Variants in TUBA8 observed in about 807,000 individuals in gnomAD.
TUBA8 encodes the protein tubulin alpha 8.
In TUBA8, 29 loss-of-function variants were observed where a neutral mutation model predicts 34.7. That is an observed-to-expected ratio of 0.84 (90% CI 0.62 to 1.14). The LOEUF (loss-of-function observed/expected upper bound fraction) is 1.14. Among genes scored for constraint, TUBA8 ranks in the 50% most tolerant of loss-of-function variants. TUBA8 has a pLI of 0.00. For synonymous variants in TUBA8, 226 were observed against 231.2 expected, an observed-to-expected ratio of 0.98 and a Z score of 0.21; for missense variants, 541 against 599.2, an observed-to-expected ratio of 0.90 and a Z score of 1.01.
rs1463808792 is a variant in TUBA8, at chr22:18,121,913, G to T, written c.226+212G>T. ...ATCAAGACTCTATGCAGAACAAAAT[G>T]CCTCCCACTTCAACCCCAAAACCTG... On this transcript the variant is annotated intron_variant, in intron 2 of 4. Transcript: ENST00000330423. This position sits in a 1 kb window ranked among gnomAD's most constrained non-coding sequence, Gnocchi z 4.8. The T allele has an allele frequency of 7.0e-6, 4 of 573,534 alleles. No individual in the cohort carries two copies. The highest frequency in any genetic ancestry group is 3.0e-5 in the Admixed American group (1 of 33,148). 35.5% of individuals were successfully genotyped at this position (573,534 alleles called of 1,614,324 possible).
chr22:18,123,058 C>T (rs1469943118), intron 2 of TUBA8: 2 of 123,054 alleles, frequency 1.6e-5, no homozygotes, highest in South Asian at 2.8e-4. Context: ...TGCAGTGAGC[C>T]GAGATCGCGC....
chr22:18,110,940 AG>A lies in TUBA8; in HGVS notation c.3+74del. ...AGGACCGAGAGCCGAGTCTACGCGG[AG>A]GCGCACGGACCCGTCTTCCTGGAGC... is the stretch of plus-strand genomic sequence containing the variant. On this transcript the variant is annotated intron_variant, in intron 1 of 4. Transcript: ENST00000330423. The surrounding 1 kb of genome is among the most constrained non-coding windows in gnomAD (Gnocchi z 6.2). The A allele has an allele frequency of 1.3e-6, 2 of 1,533,624 alleles. No homozygotes were observed. Among genetic ancestry groups the A allele is most frequent in the Non-Finnish European group, 1.7e-6 (2 of 1,146,126 alleles).
intron 1 of TUBA8, chr22:18,112,108 T>G (rs1483216061): frequency 6.6e-6 from 1 of 152,212 alleles, no homozygotes; most frequent in East Asian, 1.9e-4. Context: ...TTTTGACTCC[T>G]GGCTCTGCAG....
At position 18,127,417 on chromosome 22, in the gene TUBA8, G is replaced by A. The variant is rs190521548; in HGVS notation, c.1056+383G>A. The A allele has an allele frequency of 6.9e-3, 1,244 of 179,088 alleles. 19 individuals are homozygous for A. Among genetic ancestry groups the A allele is most frequent in the African/African-American group, 0.032 (1,180 of 37,350 alleles). 11.1% of individuals were successfully genotyped at this position (179,088 alleles called of 1,614,324 possible). ...TTGTTTTTTTTTTTTTTTTTGAGAC[G>A]GAGTCTCACTCTGTCACCCAGGCTG... On this transcript the variant is annotated intron_variant, in intron 4 of 4. Coordinates refer to ENST00000330423, the MANE Select transcript of TUBA8 (RefSeq NM_018943.3).
At position 18,110,938 on chromosome 22, in the gene TUBA8, G is replaced by T. The variant is rs1927783893; in HGVS notation, c.3+70G>T. ...GTAGGACCGAGAGCCGAGTCTACGC[G>T]GAGGCGCACGGACCCGTCTTCCTGG... On this transcript the variant is annotated intron_variant, in intron 1 of 4. Coordinates refer to ENST00000330423, the MANE Select transcript of TUBA8 (RefSeq NM_018943.3). The surrounding 1 kb of genome is among the most constrained non-coding windows in gnomAD (Gnocchi z 6.2). The T allele has an allele frequency of 2.0e-6, 3 of 1,533,650 alleles. No individual in the cohort carries two copies. The highest frequency in any genetic ancestry group is 2.4e-5 in the East Asian group (1 of 41,066).
Position 18,111,313 on chromosome 22 carries a change from T to A in TUBA8, c.3+445T>A, listed in dbSNP as rs1927801254. 1 of 197,672 alleles carries A rather than the reference T, an allele frequency of 5.1e-6. No homozygotes were observed. The highest frequency in any genetic ancestry group is 5.5e-5 in the Admixed American group (1 of 18,134). The allele number at this position is 197,672 out of a possible 1,614,324, so 12.2% of individuals were successfully genotyped here. A position where few individuals can be genotyped will look rare whatever the true frequency, so the allele number is the denominator to read the frequency against. On this transcript the variant is annotated intron_variant, in intron 1 of 4. Transcript: ENST00000330423. This position sits in a 1 kb window ranked among gnomAD's most constrained non-coding sequence, Gnocchi z 5.1. ...CAGCCTAATGTGACAGGGCCCGGAA[T>A]GTGACAGAGGACCTAGGGCGCCACG...
chr22:18,113,643 C>T (rs1927879574), intron 1 of TUBA8: 1 of 152,334 alleles, frequency 6.6e-6, no homozygotes, highest in Non-Finnish European at 1.5e-5. Context: ...CAGCCTTCTG[C>T]AGTCTCCCCA....
Position 18,110,927 on chromosome 22 carries a change from C to G in TUBA8, c.3+59C>G. 6.5e-7 allele frequency: 1 copy of G among 1,536,314 alleles called. No homozygotes were observed. Among genetic ancestry groups the G allele is most frequent in the South Asian group, 1.2e-5 (1 of 84,098 alleles). ...GCGCGGCAGGCGTAGGACCGAGAGC[C>G]GAGTCTACGCGGAGGCGCACGGACC... On this transcript the variant is annotated intron_variant, in intron 1 of 4. Transcript: ENST00000330423. The surrounding 1 kb of genome is among the most constrained non-coding windows in gnomAD (Gnocchi z 6.2).
At position 18,118,961 on chromosome 22, in the gene TUBA8, C is replaced by T. The variant is rs1290702268; in HGVS notation, c.4-2518C>T. The T allele has an allele frequency of 6.6e-6, 1 of 152,198 alleles. No individual in the cohort carries two copies. Among genetic ancestry groups the T allele is most frequent in the African/African-American group, 2.4e-5 (1 of 41,414 alleles). The allele number at this position is 152,198 out of a possible 1,614,324, so 9.4% of individuals were successfully genotyped here. ...TATCCCTGCGTCCTCCCTGGAAAGCCCCAGAATGTTCCAGAAGTGAGAGCA... is the reference window on the plus strand; with the variant it reads ...TATCCCTGCGTCCTCCCTGGAAAGCTCCAGAATGTTCCAGAAGTGAGAGCA... On this transcript the variant is annotated intron_variant, in intron 1 of 4. Coordinates refer to ENST00000330423, the MANE Select transcript of TUBA8 (RefSeq NM_018943.3). This position sits in a 1 kb window ranked among gnomAD's most constrained non-coding sequence, Gnocchi z 4.0.
Position 18,124,689 on chromosome 22 carries a change from A to T in TUBA8, c.375+385A>T, listed in dbSNP as rs1283314775. ...TGGGCACTTACAAGTGCCATTACAG[A>T]TGTTAAGCACATTCCTTCATTTAAT... is the stretch of plus-strand genomic sequence containing the variant. On this transcript the variant is annotated intron_variant, in intron 3 of 4. Transcript: ENST00000330423. The surrounding 1 kb of genome is among the most constrained non-coding windows in gnomAD (Gnocchi z 4.3). The T allele has an allele frequency of 5.2e-6, 1 of 192,658 alleles. No homozygotes were observed. The highest frequency in any genetic ancestry group is 5.3e-5 in the Admixed American group (1 of 18,948). The allele number at this position is 192,658 out of a possible 1,614,324, so 11.9% of individuals were successfully genotyped here. A position where few individuals can be genotyped will look rare whatever the true frequency, so the allele number is the denominator to read the frequency against.
intron 1 of TUBA8, chr22:18,113,117 G>A (rs1927861974): frequency 6.6e-6 from 1 of 152,256 alleles, no homozygotes; most frequent in Non-Finnish European, 1.5e-5. Context: ...CTAGCTGCTA[G>A]GCAGATGAGC....
chr22:18,130,439 A>C, intron 4 of TUBA8: 1 of 198,428 alleles, frequency 5.0e-6, no homozygotes, highest in Non-Finnish European at 1.0e-5. Context: ...TTTTGCTTTT[A>C]AGAGACAGGG....
In TUBA8 at chr22:18,121,917, C is replaced by T. The variant is rs1020266860; in HGVS notation, c.226+216C>T. On this transcript the variant is annotated intron_variant, in intron 2 of 4. Transcript: ENST00000330423. The surrounding 1 kb of genome is among the most constrained non-coding windows in gnomAD (Gnocchi z 4.8). ...AGACTCTATGCAGAACAAAATGCCTCCCACTTCAACCCCAAAACCTGCGGC... is the reference window on the plus strand; with the variant it reads ...AGACTCTATGCAGAACAAAATGCCTTCCACTTCAACCCCAAAACCTGCGGC... 15 of 565,410 alleles carry T rather than the reference C, an allele frequency of 2.7e-5. No homozygotes were observed. The highest frequency in any genetic ancestry group is 4.1e-5 in the Non-Finnish European group (13 of 317,030). 35.0% of individuals were successfully genotyped at this position (565,410 alleles called of 1,614,324 possible).
rs779106716 is a variant in TUBA8, at chr22:18,126,419, C to T, written c.441C>T (p.Ser147=). 13 of 1,614,100 alleles carry T rather than the reference C, an allele frequency of 8.1e-6. No individual in the cohort carries two copies. The highest frequency in any genetic ancestry group is 6.7e-5 in the East Asian group (3 of 44,876). Residue 147 remains serine (S), a synonymous_variant, in exon 4 of 5, where the codon TCC becomes TCT. Coordinates refer to ENST00000330423, the MANE Select transcript of TUBA8 (RefSeq NM_018943.3). The surrounding 1 kb of genome is among the most constrained non-coding windows in gnomAD (Gnocchi z 4.0). ...IFHSFGGGTG[S]GFTSLLMERL... is the part of the protein sequence containing the mutation. ...ACAGTTTTGGTGGGGGCACTGGCTC[C>T]GGCTTCACTTCTCTGCTGATGGAAC...
chr22:18,126,572 A>G lies in TUBA8; in HGVS notation c.594A>G (p.Ser198=), dbSNP rs771539512. 5 of 1,614,186 alleles carry G rather than the reference A, an allele frequency of 3.1e-6. No homozygotes were observed. The highest frequency in any genetic ancestry group is 4.2e-6 in the Non-Finnish European group (5 of 1,180,034). ...ILTTHTTLEH[S]DCAFMVDNEA... ...CCACCCACACCACACTGGAACATTC[A>G]GATTGTGCTTTCATGGTGGACAACG... Residue 198 remains serine (S), a synonymous_variant, in exon 4 of 5, where the codon TCA becomes TCG. Coordinates refer to ENST00000330423, the MANE Select transcript of TUBA8 (RefSeq NM_018943.3). This position sits in a 1 kb window ranked among gnomAD's most constrained non-coding sequence, Gnocchi z 4.0.
chr22:18,130,907 C>T lies in TUBA8; in HGVS notation c.1121C>T (p.Ala374Val), dbSNP rs1436686201. 2 of 1,614,018 alleles carry T rather than the reference C, an allele frequency of 1.2e-6. No homozygotes were observed. The highest frequency in any genetic ancestry group is 1.7e-6 in the Non-Finnish European group (2 of 1,180,036). ...PGGDLAKVQR[A>V]VCMLSNTTAI... is the part of the protein sequence containing the mutation. ...GGAGACCTGGCCAAGGTGCAGCGGG[C>T]CGTCTGCATGCTCAGCAACACCACG... is the stretch of plus-strand genomic sequence containing the variant. The change falls in exon 5 of 5, where the codon GCC becomes GTC. Residue 374 changes from alanine (A) to valine (V), a missense_variant. Ala to Val is a moderately conservative substitution (Grantham distance 64). Coordinates refer to ENST00000330423, the MANE Select transcript of TUBA8 (RefSeq NM_018943.3).
intron 1 of TUBA8, chr22:18,116,659 C>T (rs905549011): frequency 6.6e-6 from 1 of 152,250 alleles, no homozygotes; most frequent in South Asian, 2.1e-4. Flanking sequence ...ATATAACATC[C>T]CTGGTTATGA....
At position 18,131,203 on chromosome 22, in the gene TUBA8, G is replaced by C. The variant is rs1264886136; in HGVS notation, c.*67G>C. The C allele has an allele frequency of 6.5e-7, 1 of 1,537,606 alleles. No individual in the cohort carries two copies. Among genetic ancestry groups the C allele is most frequent in the Non-Finnish European group, 9.0e-7 (1 of 1,115,046 alleles). On this transcript the variant is annotated 3_prime_UTR_variant, in exon 5 of 5. Coordinates refer to ENST00000330423, the MANE Select transcript of TUBA8 (RefSeq NM_018943.3). This position sits in a 1 kb window ranked among gnomAD's most constrained non-coding sequence, Gnocchi z 5.3. ...TGCCATTCAAAGCACATGTTCAAGA[G>C]AACAGAACACTCTCCCCGCCCCAGC...
At position 18,131,085 on chromosome 22, in the gene TUBA8, A is replaced by G; in HGVS notation, c.1299A>G (p.Glu433=). The change falls in exon 5 of 5, where the codon GAA becomes GAG. Residue 433 remains glutamate (E), a synonymous_variant. Coordinates refer to ENST00000330423, the MANE Select transcript of TUBA8 (RefSeq NM_018943.3). This position sits in a 1 kb window ranked among gnomAD's most constrained non-coding sequence, Gnocchi z 5.3. ...TAGCTGCCCTGGAGAAGGATTATGA[A>G]GAAGTGGGGACTGATTCGTTTGAAG... ...EDLAALEKDY[E]EVGTDSFEEE... 1.2e-6 allele frequency: 2 copies of G among 1,614,208 alleles called. No individual in the cohort carries two copies. The highest frequency in any genetic ancestry group is 1.1e-5 in the South Asian group (1 of 91,082).
Sources: allele counts gnomAD v4.1 joint callset, GRCh38; gene constraint gnomAD v4.1.1; non-coding constraint Gnocchi (gnomAD v3.1); transcripts MANE v1.5; gene names NCBI Gene and HGNC (gene_info 2026-07-23, HGNC 2026-07-21).